Variants in COPG2 observed in about 807,000 individuals in gnomAD.
The protein encoded by COPG2 is coat protein complex I subunit gamma 2.
Under a neutral mutation model 46.3 loss-of-function variants are expected in COPG2, and 37 were observed. The observed-to-expected ratio is 0.80, with a 90% CI of 0.61 to 1.05. The LOEUF is 1.05. Ranked by LOEUF, COPG2 falls within the 50% of genes least tolerant of loss-of-function variation. The pLI, the probability that COPG2 is intolerant of heterozygous loss-of-function variation, is 0.00. For synonymous variants in COPG2, 159 were observed against 129.7 expected (o/e 1.23, Z -1.53); for missense variants, 427 against 387.8 (o/e 1.10, Z -0.85).
At chr7:130,618,764 A>T (rs1432068569) in intron 5 of COPG2, among the ~76,000 whole-genome samples, 1 of 151,920 alleles carries the variant, frequency 6.6e-6, no homozygotes, top group Non-Finnish European at 1.5e-5. Context: ...ATTTTTTGTG[A>T]TTTTTGGCTT....
At chr7:130,547,415 A>G in intron 20 of COPG2, 1 of 344,144 alleles carries the variant, frequency 2.9e-6, no homozygotes, top group Non-Finnish European at 5.2e-6. Flanking sequence ...TGCTACTGCT[A>G]TACACACTCA....
At chr7:130,509,139 C>CG in intron 20 of COPG2, 1 of 443,254 alleles carries the variant, frequency 2.3e-6, no homozygotes, top group South Asian at 1.7e-5. Flanking sequence ...GGACTGATGG[C>CG]GGGTCCACAG....
intron 10 of COPG2, among the ~76,000 whole-genome samples, chr7:130,563,755 C>CAAAAAAAAAAAAAAAAAAAAAAA (rs1239944614): frequency 1.1e-5 from 1 of 89,008 alleles, no homozygotes; most frequent in African/African-American, 6.6e-5. Context: ...GACTCCGTCT[C>CAAAAAAAAAAAAAAAAAAAAAAA]AAAAAAAAAA....
At chr7:130,657,694 TAAAC>T (rs1164284514) in intron 4 of COPG2, among the ~76,000 whole-genome samples, 1 of 151,896 alleles carries the variant, frequency 6.6e-6, no homozygotes, top group African/African-American at 2.4e-5. Context: ...AATAAGAAAA[TAAAC>T]AATCCAATTT....
At chr7:130,542,621 T>C (rs1228277101) in intron 20 of COPG2, among the ~76,000 whole-genome samples, 2 of 151,576 alleles carry the variant, frequency 1.3e-5, no homozygotes, top group Non-Finnish European at 2.9e-5. Flanking sequence ...TGAAAAGGAG[T>C]TTCTGGAAGA....
intron 5 of COPG2, among the ~76,000 whole-genome samples, chr7:130,634,225 A>T (rs934384523): frequency 2.0e-5 from 3 of 152,082 alleles, no homozygotes; most frequent in Non-Finnish European, 4.4e-5. Flanking sequence ...TTCCATATGA[A>T]ATTTAAAGTA....
At chr7:130,665,914 A>G (rs1044807040) in intron 3 of COPG2, among the ~76,000 whole-genome samples, 7 of 152,082 alleles carry the variant, frequency 4.6e-5, no homozygotes, top group African/African-American at 7.2e-5. Context: ...GAGCGCAAAT[A>G]TTTTTGCTGG....
At chr7:130,593,012 G>A (rs1794460906) in intron 9 of COPG2, among the ~76,000 whole-genome samples, 1 of 152,234 alleles carries the variant, frequency 6.6e-6, no homozygotes, top group African/African-American at 2.4e-5. Flanking sequence ...TGGGCAATGT[G>A]GGGACAAGTG....
chr7:130,622,288 T>C (rs1338408176), intron 5 of COPG2, among the ~76,000 whole-genome samples: 2 of 152,148 alleles, frequency 1.3e-5, no homozygotes, highest in Non-Finnish European at 2.9e-5. Flanking sequence ...AACCCCAGAG[T>C]ATTAATTCCC....
intron 5 of COPG2, among the ~76,000 whole-genome samples, chr7:130,618,402 T>C (rs1169170070): frequency 6.6e-6 from 1 of 152,206 alleles, no homozygotes; most frequent in Non-Finnish European, 1.5e-5. Flanking sequence ...AATTTTTACT[T>C]ATATACTGTC....
At chr7:130,619,111 ACTTT>A (rs1483877637) in intron 5 of COPG2, among the ~76,000 whole-genome samples, 2 of 152,076 alleles carry the variant, frequency 1.3e-5, no homozygotes, top group Non-Finnish European at 2.9e-5. Flanking sequence ...TATTTTTAGT[ACTTT>A]CTTTGTTTCC....
At chr7:130,622,179 T>G (rs1554453701) in intron 5 of COPG2, among the ~76,000 whole-genome samples, 1 of 152,016 alleles carries the variant, frequency 6.6e-6, no homozygotes, top group East Asian at 1.9e-4. Context: ...CTTGAGTGGG[T>G]CACTGATGCT....
intron 5 of COPG2, among the ~76,000 whole-genome samples, chr7:130,646,921 TTGTG>T (rs71178599): frequency 7.0e-6 from 1 of 142,344 alleles, no homozygotes; most frequent in African/African-American, 2.6e-5. Flanking sequence ...TAGTGTGTGT[TTGTG>T]TGTGTATATA....
intron 9 of COPG2, among the ~76,000 whole-genome samples, chr7:130,596,441 A>G (rs1462887601): frequency 6.6e-6 from 1 of 152,176 alleles, no homozygotes; most frequent in Non-Finnish European, 1.5e-5. Flanking sequence ...TCTACTACGA[A>G]GTTTTACTTG....
chr7:130,630,591 T>C (rs1218093829), intron 5 of COPG2, among the ~76,000 whole-genome samples: 2 of 152,232 alleles, frequency 1.3e-5, no homozygotes, highest in South Asian at 2.1e-4. Context: ...CCAGCTTTAA[T>C]TGTGGATCTG....
chr7:130,583,763 C>T (rs1388883480), intron 9 of COPG2, among the ~76,000 whole-genome samples: 3 of 137,680 alleles, frequency 2.2e-5, no homozygotes, highest in East Asian at 2.2e-4. Flanking sequence ...GCCAAGATCG[C>T]GCCACTGCAC....
At chr7:130,568,180 C>G (rs1029084328) in intron 9 of COPG2, among the ~76,000 whole-genome samples, 79 of 152,238 alleles carry the variant, frequency 5.2e-4, no homozygotes, top group African/African-American at 1.8e-3. Flanking sequence ...GAGGCTGACA[C>G]AGGAGAATCA....
chr7:130,604,749 C>T (rs782678037), intron 9 of COPG2: 1 of 515,270 alleles, frequency 1.9e-6, no homozygotes, highest in Non-Finnish European at 3.9e-6. Context: ...GTCTCATTCA[C>T]AATCTCTAGG....
At chr7:130,612,995 A>G (rs1414023126) in intron 7 of COPG2, among the ~76,000 whole-genome samples, 1 of 152,190 alleles carries the variant, frequency 6.6e-6, no homozygotes, top group Non-Finnish European at 1.5e-5. Context: ...CATAACTTTC[A>G]GATTTCCAAA....
Sources: gnomAD v4.1 joint callset for allele counts (sites outside exome capture counted in the v4.1 genomes callset) on GRCh38, gnomAD v4.1.1 for gene constraint, MANE v1.5 for transcripts, NCBI Gene and HGNC (gene_info 2026-07-23, HGNC 2026-07-21) for gene names.